The following PPFIBP1 variants were observed in gnomAD, a reference collection of about 807,000 sequenced individuals.
PPFIBP1 encodes PPFIB scaffold protein 1.
Under a neutral mutation model 137.8 loss-of-function variants are expected in PPFIBP1, and 112 were observed. The observed-to-expected ratio is 0.81, with a 90% CI of 0.70 to 0.95. The LOEUF (loss-of-function observed/expected upper bound fraction) is 0.95. PPFIBP1 is among the 40% of genes least tolerant of loss of function. The pLI is 0.00. For missense variants in PPFIBP1, 1,083 were observed against 1,196.6 expected, an observed-to-expected ratio of 0.91 and a Z score of 1.40; for synonymous variants, 378 against 417.3, an observed-to-expected ratio of 0.91 and a Z score of 1.15.
intron 1 of PPFIBP1, chr12:27,548,760 A>G (rs759111926): frequency 6.6e-6 from 1 of 152,218 alleles, no homozygotes; most frequent in African/African-American, 2.4e-5. Flanking sequence ...TCGTCGTGGC[A>G]TAGAGCAAAG....
intron 4 of PPFIBP1, chr12:27,635,498 G>A (rs1395782082): frequency 3.5e-6 from 1 of 282,968 alleles, no homozygotes; most frequent in East Asian, 6.4e-5. Context: ...TAAATGGAAA[G>A]CATGATGAAA....
chr12:27,667,049 T>C, intron 12 of PPFIBP1, 117 bp from the exon 13 acceptor site: 1 of 1,090,196 alleles, frequency 9.2e-7, no homozygotes. Flanking sequence ...CTGACTCTGA[T>C]TTTTGAGGAT....
At chr12:27,558,322 A>G (rs1317610681) in intron 1 of PPFIBP1, among the ~76,000 whole-genome samples, 4 of 150,638 alleles carry the variant, frequency 2.7e-5, no homozygotes, top group African/African-American at 7.3e-5. Context: ...ACCTGTAGCT[A>G]TGATTTTGAA....
At chr12:27,634,310 C>A (rs866131628) in intron 3 of PPFIBP1, among the ~76,000 whole-genome samples, 2 of 152,084 alleles carry the variant, frequency 1.3e-5, no homozygotes, top group Non-Finnish European at 2.9e-5. Flanking sequence ...TACAGGCACA[C>A]GCCACTGCAC....
At position 27,664,414 on chromosome 12, in the gene PPFIBP1, A is replaced by G. The variant is rs747440406; in HGVS notation, c.959A>G (p.Gln320Arg). The G allele has an allele frequency of 2.5e-6, 4 of 1,613,186 alleles. No homozygotes were observed. In the Admixed American group the frequency reaches 6.7e-5, roughly 27 times the overall value. ...TGCCTGAACAGGTACAAGAAAATGCAAGACACGGTGGTACTGGCCCAAGGT... is the reference window on the plus strand; with the variant it reads ...TGCCTGAACAGGTACAAGAAAATGCGAGACACGGTGGTACTGGCCCAAGGT... ...RQCLNRYKKM[Q>R]DTVVLAQGKK... is the part of the protein sequence containing the mutation. The change falls in exon 12 of 30, where the codon CAA (glutamine) becomes CGA (arginine). Residue 320 changes from glutamine to arginine, a missense_variant. Coordinates refer to ENST00000228425, the MANE Select transcript of PPFIBP1 (RefSeq NM_003622.4).
intron 11 of PPFIBP1, among the ~76,000 whole-genome samples, chr12:27,663,390 T>C (rs890891835): frequency 6.6e-6 from 1 of 152,188 alleles, no homozygotes; most frequent in African/African-American, 2.4e-5. Context: ...AGCTCTAGCA[T>C]TTTATAGTCC....
At chr12:27,647,004 G>C (rs2058549540) in intron 5 of PPFIBP1, among the ~76,000 whole-genome samples, 1 of 152,114 alleles carries the variant, frequency 6.6e-6, no homozygotes, top group African/African-American at 2.4e-5. Context: ...CCTGGGTTTT[G>C]TTTTTGTTTT....
chr12:27,581,058 C>A (rs958260240), intron 2 of PPFIBP1, among the ~76,000 whole-genome samples: 1 of 152,036 alleles, frequency 6.6e-6, no homozygotes, highest in African/African-American at 2.4e-5. Context: ...TCATGCCCGG[C>A]TAGTTTTTAA....
chr12:27,578,660 T>C (rs570870049), intron 2 of PPFIBP1, among the ~76,000 whole-genome samples: 404 of 152,316 alleles, frequency 2.7e-3, no homozygotes, highest in African/African-American at 8.9e-3. Flanking sequence ...GAGGTATTGG[T>C]TTCTCACAGG....
intron 1 of PPFIBP1, among the ~76,000 whole-genome samples, chr12:27,561,095 A>T (rs1361807762): frequency 6.6e-6 from 1 of 152,200 alleles, no homozygotes; most frequent in East Asian, 1.9e-4. Flanking sequence ...ATGTATACCT[A>T]ACATAGTGGG....
chr12:27,660,253 G>A (rs1165946282), intron 10 of PPFIBP1, among the ~76,000 whole-genome samples: 1 of 152,060 alleles, frequency 6.6e-6, no homozygotes, highest in Non-Finnish European at 1.5e-5. Context: ...ACATGCTTTT[G>A]TATTTGAATA....
chr12:27,641,978 T>TAAATAAAC (rs2058140503), intron 4 of PPFIBP1, among the ~76,000 whole-genome samples: 1 of 151,628 alleles, frequency 6.6e-6, no homozygotes, highest in South Asian at 2.1e-4. Context: ...AATAAATAAA[T>TAAATAAAC]AAATAGAAGG....
At chr12:27,563,935 C>T (rs555554897) in intron 1 of PPFIBP1, among the ~76,000 whole-genome samples, 36 of 149,794 alleles carry the variant, frequency 2.4e-4, no homozygotes, top group Admixed American at 4.0e-4. Context: ...TGCAATGGTG[C>T]GATCTTGGCT....
Position 27,679,990 on chromosome 12 carries a change from C to A in PPFIBP1, c.1824C>A (p.Phe608Leu). Residue 608 changes from phenylalanine (F) to leucine (L), a missense_variant, in exon 21 of 30, where the codon TTC becomes TTA. Physicochemically the swap from Phe to Leu is conservative, Grantham distance 22. Transcript: ENST00000228425. ...CAGATGACATGTCTGAGCCTGAATT[C>A]AAAAGAGGAGGGACAAGGGCAACCG... ...FNPDDMSEPEFKRGGTRATAG... is the reference protein window; with the variant it reads ...FNPDDMSEPELKRGGTRATAG... The A allele has an allele frequency of 1.2e-6, 2 of 1,614,030 alleles. No homozygotes were observed. Among genetic ancestry groups the A allele is most frequent in the South Asian group, 1.1e-5 (1 of 91,076 alleles).
chr12:27,573,104 C>G (rs1007150054), intron 1 of PPFIBP1, among the ~76,000 whole-genome samples: 1 of 152,236 alleles, frequency 6.6e-6, no homozygotes, highest in Non-Finnish European at 1.5e-5. Flanking sequence ...ATTTGCTTCT[C>G]AGCTAAGTTA....
chr12:27,537,175 A>G (rs542892338), intron 1 of PPFIBP1, among the ~76,000 whole-genome samples: 5 of 151,718 alleles, frequency 3.3e-5, no homozygotes, highest in African/African-American at 1.2e-4. Flanking sequence ...ACGGTCACCT[A>G]GGCTGGAGTG....
At chr12:27,648,013 A>G (rs1233392947) in intron 6 of PPFIBP1, 171 bp downstream of exon 6, 5 of 711,562 alleles carry the variant, frequency 7.0e-6, no homozygotes, top group African/African-American at 5.5e-5. Flanking sequence ...CATGCACACA[A>G]TATAAAGTGT....
chr12:27,636,932 C>A (rs1314771870), intron 4 of PPFIBP1: 2 of 152,216 alleles, frequency 1.3e-5, no homozygotes, highest in African/African-American at 4.8e-5. Context: ...CAGGCACTGG[C>A]TTTTCACTCT....
rs201195756 is a variant in PPFIBP1, at chr12:27,681,662, C to T, written c.2012C>T (p.Thr671Met). Residue 671 changes from threonine to methionine, a missense_variant, in exon 22 of 30, where the codon ACG becomes ATG. Thr to Met is a moderately conservative substitution (Grantham distance 81). Coordinates refer to ENST00000228425, the MANE Select transcript of PPFIBP1 (RefSeq NM_003622.4). ...SGKHWIASGQTLLQASQQDLE... is the reference protein window; with the variant it reads ...SGKHWIASGQMLLQASQQDLE... ...AAGCACTGGATTGCATCTGGCCAAA[C>T]GCTTTTGCAGGCTTCTCAACAAGAT... The T allele has an allele frequency of 5.9e-4, 960 of 1,614,140 alleles. 1 individual carries two copies. Among genetic ancestry groups the T allele is most frequent in the Non-Finnish European group, 7.7e-4 (907 of 1,180,000 alleles).
Sources: allele counts gnomAD v4.1 joint callset (sites outside exome capture counted in the v4.1 genomes callset), GRCh38; gene constraint gnomAD v4.1.1; transcripts MANE v1.5; gene names NCBI Gene and HGNC (gene_info 2026-07-23, HGNC 2026-07-21).